The following DLC1 variants were observed in gnomAD, a reference collection of about 807,000 sequenced individuals.
DLC1 encodes the protein rho GTPase-activating protein 7.
In DLC1, 54 loss-of-function variants were observed where a neutral mutation model predicts 140.3. The ratio of observed to expected loss-of-function variants is 0.38; its 90% CI spans 0.31 to 0.48. DLC1 has a LOEUF of 0.48. Among genes scored for constraint, DLC1 ranks in the 20% least tolerant of loss-of-function variants. DLC1 has a pLI of 0.96. For synonymous variants in DLC1, 986 were observed against 728.1 expected, an observed-to-expected ratio of 1.35 and a Z score of -5.70; for missense variants, 2,536 against 1,907.0, an observed-to-expected ratio of 1.33 and a Z score of -6.14.
intron 4 of DLC1, among the ~76,000 whole-genome samples, chr8:13,383,755 TC>T (rs1250867601): frequency 6.6e-6 from 1 of 152,124 alleles, no homozygotes; most frequent in African/African-American, 2.4e-5. Flanking sequence ...GCTCAAGCAT[TC>T]CCATTGAGAA....
intron 1 of DLC1, among the ~76,000 whole-genome samples, chr8:13,547,510 A>G (rs1456325569): frequency 6.6e-6 from 1 of 152,042 alleles, no homozygotes; most frequent in East Asian, 1.9e-4. Flanking sequence ...GCACCAGGAT[A>G]ATGATTCTCT....
At chr8:13,426,721 C>G (rs982897835) in intron 2 of DLC1, among the ~76,000 whole-genome samples, 1 of 152,098 alleles carries the variant, frequency 6.6e-6, no homozygotes, top group Non-Finnish European at 1.5e-5. Context: ...TTCCATTTTT[C>G]TATGTTCTTC....
intron 5 of DLC1, among the ~76,000 whole-genome samples, chr8:13,169,561 G>T (rs7827581): frequency 0.55 from 82,692 of 151,598 alleles, 23,072 homozygotes; most frequent in East Asian, 0.85. Context: ...TTAGGTTTCA[G>T]TTCACCCTTG....
chr8:13,335,391 T>C (rs1833776838), intron 4 of DLC1, among the ~76,000 whole-genome samples: 1 of 152,190 alleles, frequency 6.6e-6, no homozygotes, highest in Non-Finnish European at 1.5e-5. Context: ...ACCAAGGACA[T>C]GCTGATCAAC....
At chr8:13,511,376 C>T (rs558685790) in intron 1 of DLC1, among the ~76,000 whole-genome samples, 7 of 151,824 alleles carry the variant, frequency 4.6e-5, no homozygotes, top group African/African-American at 1.5e-4. Context: ...CATTTATATA[C>T]TCTAATCCAC....
intron 5 of DLC1, among the ~76,000 whole-genome samples, chr8:13,243,566 A>G (rs1266412689): frequency 6.6e-6 from 1 of 152,204 alleles, no homozygotes; most frequent in Non-Finnish European, 1.5e-5. Flanking sequence ...GTTTGTTAAC[A>G]ATAGGAACAA....
At chr8:13,294,525 G>A (rs1013016781) in intron 5 of DLC1, among the ~76,000 whole-genome samples, 1 of 152,088 alleles carries the variant, frequency 6.6e-6, no homozygotes, top group African/African-American at 2.4e-5. Context: ...GAGTCATTGG[G>A]GGTTAGGGTA....
intron 7 of DLC1, among the ~76,000 whole-genome samples, chr8:13,109,694 G>T (rs1055324146): frequency 1.4e-5 from 2 of 141,400 alleles, no homozygotes; most frequent in Admixed American, 6.7e-5. Context: ...AGACCATCCT[G>T]GCAACATGGT....
chr8:13,397,225 G>C (rs1204821852), intron 3 of DLC1, among the ~76,000 whole-genome samples: 1 of 152,144 alleles, frequency 6.6e-6, no homozygotes, highest in Admixed American at 6.5e-5. Context: ...ATAGAGAAGG[G>C]AATGGAAGCT....
chr8:13,355,411 A>G (rs772170412), intron 4 of DLC1, among the ~76,000 whole-genome samples: 16 of 152,170 alleles, frequency 1.1e-4, no homozygotes, highest in Non-Finnish European at 2.1e-4. Context: ...AACAAGCACT[A>G]CGTGACTAAA....
intron 1 of DLC1, among the ~76,000 whole-genome samples, chr8:13,569,320 T>C (rs1804563483): frequency 6.6e-6 from 1 of 151,900 alleles, no homozygotes; most frequent in Admixed American, 6.6e-5. Context: ...TACTTCAGTA[T>C]TACTCTTTGC....
chr8:13,453,473 TATATATGTATATATATAC>T lies in DLC1; in HGVS notation c.1023+45558_1023+45575del, dbSNP rs1563360366. 6.1e-3 allele frequency among the ~76,000 whole-genome samples: 221 copies of T among 36,444 alleles called. 2 individuals carry two copies. Among genetic ancestry groups the T allele is most frequent in the Non-Finnish European group, 8.0e-3 (165 of 20,664 alleles). 23.9% of individuals were successfully genotyped at this position (36,444 alleles called of 152,430 possible). ...ACATATATATATGTATATATATACA[TATATATGTATATATATAC>T]ATATATATATGTATATATATATACA... On this transcript the variant is annotated intron_variant, in intron 2 of 17. Coordinates refer to ENST00000276297, the MANE Select transcript of DLC1 (RefSeq NM_182643.3).
chr8:13,371,557 C>T (rs927631445), intron 4 of DLC1, among the ~76,000 whole-genome samples: 1 of 150,838 alleles, frequency 6.6e-6, no homozygotes, highest in Non-Finnish European at 1.5e-5. Context: ...TGGACTTTTG[C>T]ACCTTCACGC....
intron 4 of DLC1, among the ~76,000 whole-genome samples, chr8:13,370,632 T>C (rs1007920890): frequency 1.3e-5 from 2 of 152,226 alleles, no homozygotes; most frequent in Non-Finnish European, 2.9e-5. Context: ...TAGGGCTGGC[T>C]TCAGGTGTGG....
At chr8:13,496,928 G>C (rs905999811) in intron 2 of DLC1, among the ~76,000 whole-genome samples, 1 of 151,220 alleles carries the variant, frequency 6.6e-6, no homozygotes, top group Non-Finnish European at 1.5e-5. Context: ...AGCCTCCCGA[G>C]TAGCTGGGAC....
Position 13,408,975 on chromosome 8 carries a change from A to C in DLC1, c.1024-7356T>G, listed in dbSNP as rs1417806714. ...GCCATGAACAACAAAAAAAGACATA[A>C]GTAAACATGTATTCCTTTTTCATAA... On this transcript the variant is annotated intron_variant, in intron 2 of 17. Coordinates refer to ENST00000276297, the MANE Select transcript of DLC1 (RefSeq NM_182643.3). Among the ~76,000 whole-genome samples, 5 of 152,256 alleles carry C rather than the reference A, an allele frequency of 3.3e-5. No individual in the cohort carries two copies. In the East Asian group the frequency reaches 9.7e-4, roughly 29 times the overall value.
At chr8:13,548,791 T>G (rs1174314806) in intron 1 of DLC1, among the ~76,000 whole-genome samples, 1 of 151,834 alleles carries the variant, frequency 6.6e-6, no homozygotes, top group Non-Finnish European at 1.5e-5. Flanking sequence ...CTTATTTGGG[T>G]TGGTATTATT....
chr8:13,549,434 G>T (rs577021135), intron 1 of DLC1, among the ~76,000 whole-genome samples: 3 of 152,086 alleles, frequency 2.0e-5, no homozygotes, highest in Non-Finnish European at 4.4e-5. Context: ...TCTAGATAAG[G>T]TAAGCAAATT....
At chr8:13,493,554 T>C (rs139263204) in intron 2 of DLC1, among the ~76,000 whole-genome samples, 65 of 152,334 alleles carry the variant, frequency 4.3e-4, no homozygotes, top group African/African-American at 1.3e-3. Context: ...TCTGAGAACA[T>C]ATGTGCTGAG....
Sources: gnomAD v4.1 joint callset for allele counts (sites outside exome capture counted in the v4.1 genomes callset) on GRCh38, gnomAD v4.1.1 for gene constraint, MANE v1.5 for transcripts, NCBI Gene and HGNC (gene_info 2026-07-23, HGNC 2026-07-21) for gene names.